The following POU2F2 variants were observed in gnomAD, a reference collection of about 807,000 sequenced individuals.
The protein encoded by POU2F2 is POU domain, class 2, transcription factor 2.
POU2F2 carries 14 observed loss-of-function variants against 63.5 expected under a neutral mutation model. The observed-to-expected ratio is 0.22, with a 90% CI of 0.15 to 0.34. The LOEUF (loss-of-function observed/expected upper bound fraction) is 0.34, where lower values mean the gene tolerates loss of function less well. POU2F2 is among the 10% of genes least tolerant of loss of function. POU2F2 has a pLI of 1.00. For missense variants in POU2F2, 607 were observed against 815.2 expected (o/e 0.74, Z 3.11); for synonymous variants, 306 against 348.6 (o/e 0.88, Z 1.36).
At chr19:42,137,474 C>T (rs1226318639), upstream of POU2F2, among the ~76,000 whole-genome samples, 2 of 152,146 alleles carry the variant, frequency 1.3e-5, no homozygotes, top group Admixed American at 6.5e-5. Context: ...GTAATCCTGG[C>T]GCTTTGAGAG....
chr19:42,147,547 C>T (rs2034256506), intron 2 of POU2F2, among the ~76,000 whole-genome samples: 1 of 152,216 alleles, frequency 6.6e-6, no homozygotes, highest in South Asian at 2.1e-4. Flanking sequence ...CTGCCTGCTA[C>T]ATCTTTAGTG....
In POU2F2 at chr19:42,091,485, C is replaced by T. The variant is rs1209469247; in HGVS notation, c.1647G>A (p.Ser549=). 10 of 1,549,602 alleles carry T rather than the reference C, an allele frequency of 6.5e-6. No individual in the cohort carries two copies. The highest frequency in any genetic ancestry group is 2.4e-5 in the East Asian group (1 of 40,854). Residue 549 remains serine, a synonymous_variant, in exon 15 of 15, where the codon TCG becomes TCA. Coordinates refer to ENST00000692977, the MANE Select transcript of POU2F2 (RefSeq NM_001394376.1). ...GCCCAGCATGATTCAAGAAGAGCGG[C>T]GAGGTCACCAGGCCAGGGCTCCCCG... ...AAPGSPGLVT[S]PLFLNHAGLP... is the part of the protein sequence containing the mutation.
Position 42,092,651 on chromosome 19 carries a change from G to A in POU2F2, c.1265-381C>T, listed in dbSNP as rs928493223. 2.0e-5 allele frequency among the ~76,000 whole-genome samples: 3 copies of A among 151,872 alleles called. No individual in the cohort carries two copies. Among genetic ancestry groups the A allele is most frequent in the Admixed American group, 2.0e-4 (3 of 15,236 alleles). On this transcript the variant is annotated intron_variant, in intron 12 of 14. Transcript: ENST00000692977. The surrounding 1 kb of genome is among the most constrained non-coding windows in gnomAD (Gnocchi z 5.0). ...CATCTGAGGGATGGGCAACCTGGCA[G>A]GGGCTGAGGGCCCAGACTCAGCCAG...
chr19:42,150,416 G>A (rs1034506800), intron 2 of POU2F2, among the ~76,000 whole-genome samples: 1 of 151,418 alleles, frequency 6.6e-6, no homozygotes, highest in Non-Finnish European at 1.5e-5. Context: ...TGGCAGGGGA[G>A]GGGGTGGAGA....
In POU2F2 at chr19:42,166,492, T is replaced by C. The variant is rs373180263; in HGVS notation, c.-69-6100A>G. Among the ~76,000 whole-genome samples, 8 of 152,210 alleles carry C rather than the reference T, an allele frequency of 5.3e-5. No individual in the cohort carries two copies. In the South Asian group the frequency reaches 8.3e-4, roughly 16 times the overall value. On this transcript the variant is annotated intron_variant, in intron 1 of 6. Coordinates refer to the POU2F2 transcript ENST00000524801. ...AACCTTATTTTGCCAACAAGGAAAC[T>C]CGAGGCTTAAAAGGAGTGATGTGAC...
intron 5 of POU2F2, among the ~76,000 whole-genome samples, chr19:42,100,081 C>CTTTCTT (rs1555894732): frequency 9.5e-6 from 1 of 104,746 alleles, no homozygotes; most frequent in Non-Finnish European, 2.0e-5. Context: ...TTTACCCTTT[C>CTTTCTT]TTTCTTTTTT....
intron 12 of POU2F2, 177 bp downstream of exon 12, chr19:42,093,652 C>T (rs1599927794): frequency 9.8e-6 from 5 of 512,250 alleles, no homozygotes; most frequent in Non-Finnish European, 1.7e-5. Flanking sequence ...AGCTGAGTTG[C>T]TCCTGCAGAG....
At chr19:42,185,698 C>T (rs927403511) in intron 1 of POU2F2, among the ~76,000 whole-genome samples, 1 of 152,164 alleles carries the variant, frequency 6.6e-6, no homozygotes, top group African/African-American at 2.4e-5. Flanking sequence ...CCAGTTCATC[C>T]ATTCATCCAT....
At chr19:42,159,408 A>G (rs1388909061) in intron 2 of POU2F2, among the ~76,000 whole-genome samples, 1 of 152,276 alleles carries the variant, frequency 6.6e-6, no homozygotes, top group East Asian at 1.9e-4. Context: ...TTCCTGGTAC[A>G]GCAAAGGACT....
chr19:42,171,907 G>C (rs2034777693), intron 1 of POU2F2, among the ~76,000 whole-genome samples: 1 of 152,154 alleles, frequency 6.6e-6, no homozygotes, highest in Admixed American at 6.5e-5. Context: ...TCATAGACAA[G>C]TCCGTATTGT....
At chr19:42,149,344 C>A (rs994190733) in intron 2 of POU2F2, among the ~76,000 whole-genome samples, 6 of 152,154 alleles carry the variant, frequency 3.9e-5, no homozygotes, top group African/African-American at 1.2e-4. Flanking sequence ...GACCCTTTTT[C>A]TGCGTGTTCT....
intron 1 of POU2F2, among the ~76,000 whole-genome samples, chr19:42,168,266 C>G (rs2034691628): frequency 6.6e-6 from 1 of 152,208 alleles, no homozygotes; most frequent in Non-Finnish European, 1.5e-5. Flanking sequence ...ACACGAGGCT[C>G]AGAGAGATCA....
At chr19:42,131,797 G>T (rs547186922) in intron 1 of POU2F2, among the ~76,000 whole-genome samples, 1 of 152,254 alleles carries the variant, frequency 6.6e-6, no homozygotes, top group African/African-American at 2.4e-5. Flanking sequence ...GGGAGGTCAG[G>T]GAAGGCTGCC....
At chr19:42,158,990 A>G (rs1408217826) in intron 2 of POU2F2, among the ~76,000 whole-genome samples, 1 of 152,194 alleles carries the variant, frequency 6.6e-6, no homozygotes, top group Non-Finnish European at 1.5e-5. Context: ...ACAGGGGTCC[A>G]TGAATGAGCT....
chr19:42,168,990 T>C (rs1033397838), intron 1 of POU2F2, among the ~76,000 whole-genome samples: 3 of 152,250 alleles, frequency 2.0e-5, no homozygotes, highest in Non-Finnish European at 4.4e-5. Flanking sequence ...CTTGGAGCTC[T>C]TAGAGAGCAA....
intron 7 of POU2F2, among the ~76,000 whole-genome samples, chr19:42,099,125 A>G (rs367832242): frequency 2.0e-5 from 3 of 152,346 alleles, no homozygotes; most frequent in East Asian, 3.9e-4. Context: ...TAATCACCTA[A>G]CGAATGCCTT....
intron 2 of POU2F2, 21 bp downstream of exon 2, chr19:42,122,490 C>T: frequency 6.2e-7 from 1 of 1,611,018 alleles, no homozygotes; most frequent in Non-Finnish European, 8.5e-7. Context: ...ACCCCTGCCC[C>T]CCTGCTCCCT....
intron 2 of POU2F2, among the ~76,000 whole-genome samples, chr19:42,149,651 G>C (rs1324336675): frequency 6.6e-6 from 1 of 152,122 alleles, no homozygotes; most frequent in Non-Finnish European, 1.5e-5. Context: ...TGCAGATAAA[G>C]AGGTAGAGAG....
chr19:42,116,792 C>T (rs1282309770), intron 5 of POU2F2: 2 of 361,118 alleles, frequency 5.5e-6, no homozygotes, highest in Admixed American at 7.2e-5. Context: ...GGTGGCAGGT[C>T]ACCCCCCCCA....
Sources: gnomAD v4.1 joint callset for allele counts (sites outside exome capture counted in the v4.1 genomes callset) on GRCh38, gnomAD v4.1.1 for gene constraint, Gnocchi (gnomAD v3.1) non-coding constraint, MANE v1.5 for transcripts, NCBI Gene and HGNC (gene_info 2026-07-23, HGNC 2026-07-21) for gene names.